Variants in RAP1GAP2 observed in about 807,000 individuals in gnomAD.
RAP1GAP2 encodes the protein rap1 GTPase-activating protein 2.
In RAP1GAP2, 27 loss-of-function variants were observed where a neutral mutation model predicts 95.0. The ratio of observed to expected loss-of-function variants is 0.28; its 90% CI spans 0.21 to 0.39. RAP1GAP2 has a LOEUF of 0.39. RAP1GAP2 is among the 10% of genes least tolerant of loss of function. RAP1GAP2 has a pLI of 1.00. For missense variants in RAP1GAP2, 771 were observed against 970.0 expected (o/e 0.79, Z 2.72); for synonymous variants, 373 against 380.9 (o/e 0.98, Z 0.24).
chr17:2,946,329 G>A (rs2043696695), intron 3 of RAP1GAP2, among the ~76,000 whole-genome samples: 1 of 152,178 alleles, frequency 6.6e-6, no homozygotes, highest in Admixed American at 6.5e-5. Context: ...TTTTGGAAGA[G>A]TGTGAGAAGG....
chr17:2,995,282 G>GCCCACTTTGCCTCACTCTCTTTTCTC, intron 12 of RAP1GAP2, 55 bp from the exon 13 acceptor site: 1 of 1,570,914 alleles, frequency 6.4e-7, no homozygotes, highest in Non-Finnish European at 8.7e-7. Context: ...GCATTAAGTT[G>GCCCACTTTGCCTCACTCTCTTTTCTC]CCCACTTTGC....
Position 2,967,009 on chromosome 17 carries a change from A to G in RAP1GAP2, c.596+1366A>G, listed in dbSNP as rs72822896. ...GTTTTTTGTTTTTGTTTTGTAATCTATGGGGGCAGTTAGGACTAAAAGTAG... is the reference window on the plus strand; with the variant it reads ...GTTTTTTGTTTTTGTTTTGTAATCTGTGGGGGCAGTTAGGACTAAAAGTAG... On this transcript the variant is annotated intron_variant, in intron 8 of 24. Transcript: ENST00000254695. Among the ~76,000 whole-genome samples, 434 of 152,210 alleles carry G rather than the reference A, an allele frequency of 2.9e-3. 2 individuals carry two copies. Among genetic ancestry groups the G allele is most frequent in the Non-Finnish European group, 4.9e-3 (334 of 68,004 alleles).
chr17:2,828,890 CTTTTGCTTTTCT>C (rs2070707196), intron 2 of RAP1GAP2, among the ~76,000 whole-genome samples: 1 of 151,782 alleles, frequency 6.6e-6, no homozygotes, highest in South Asian at 2.1e-4. Context: ...TTGCTCTCTC[CTTTTGCTTTTCT>C]TTTTGCTCCC....
chr17:2,946,100 G>A (rs2151442425), intron 3 of RAP1GAP2, among the ~76,000 whole-genome samples: 1 of 152,216 alleles, frequency 6.6e-6, no homozygotes, highest in East Asian at 1.9e-4. Flanking sequence ...CTATTACATT[G>A]ATTTTCTTGT....
upstream of RAP1GAP2, among the ~76,000 whole-genome samples, chr17:2,774,173 G>A (rs1462184597): frequency 6.6e-6 from 1 of 152,212 alleles, no homozygotes; most frequent in African/African-American, 2.4e-5. Flanking sequence ...TTCCCATGGA[G>A]TAGAAGCTTG....
chr17:2,772,763 C>G (rs1317993078), upstream of RAP1GAP2, among the ~76,000 whole-genome samples: 1 of 152,014 alleles, frequency 6.6e-6, no homozygotes, highest in Non-Finnish European at 1.5e-5. Flanking sequence ...TGGCAGTGCT[C>G]CCAACTACTA....
chr17:2,757,634 C>T (rs1597256968), intron 1 of RAP1GAP2, among the ~76,000 whole-genome samples: 1 of 151,840 alleles, frequency 6.6e-6, no homozygotes, highest in South Asian at 2.1e-4. Context: ...ATCTGGGCCA[C>T]TGATGACCAC....
At chr17:2,771,088 A>G (rs2068382557) in intron 2 of RAP1GAP2, among the ~76,000 whole-genome samples, 1 of 152,070 alleles carries the variant, frequency 6.6e-6, no homozygotes, top group South Asian at 2.1e-4. Context: ...ACATAAAACA[A>G]ACAAAAAACC....
intron 3 of RAP1GAP2, among the ~76,000 whole-genome samples, chr17:2,914,709 C>T (rs1342489578): frequency 6.6e-6 from 1 of 150,604 alleles, no homozygotes; most frequent in East Asian, 2.0e-4. Context: ...CCAGGATGGT[C>T]TCAATCTCCT....
At chr17:2,969,769 G>C (rs1462332756) in intron 8 of RAP1GAP2, among the ~76,000 whole-genome samples, 1 of 151,778 alleles carries the variant, frequency 6.6e-6, no homozygotes, top group East Asian at 1.9e-4. Context: ...CTCCCAAAGT[G>C]CTGGGATTAC....
At chr17:2,979,273 C>T (rs1032265483) in intron 8 of RAP1GAP2, among the ~76,000 whole-genome samples, 2 of 151,970 alleles carry the variant, frequency 1.3e-5, no homozygotes, top group African/African-American at 4.8e-5. Flanking sequence ...TTGAGTAAGC[C>T]CAGATTTTGA....
Position 2,819,577 on chromosome 17 carries a change from G to A in RAP1GAP2, c.80+19027G>A, listed in dbSNP as rs549426892. Among the ~76,000 whole-genome samples, 109 of 151,250 alleles carry A rather than the reference G, an allele frequency of 7.2e-4. 1 individual carries two copies. The highest frequency in any genetic ancestry group is 7.2e-4 in the Non-Finnish European group (49 of 67,810). ...CAGCCTCTGCCTCCCGGGTTCCAGC[G>A]ACTCTCCTGCCTCAGCCTCCTGGGT... On this transcript the variant is annotated intron_variant, in intron 2 of 24. Transcript: ENST00000254695.
intron 18 of RAP1GAP2, among the ~76,000 whole-genome samples, chr17:3,018,472 ACCT>A (rs1302779459): frequency 4.0e-5 from 6 of 151,370 alleles, no homozygotes; most frequent in Admixed American, 3.9e-4. Flanking sequence ...TGACAGCTAG[ACCT>A]CCTCCTCGGG....
intron 1 of RAP1GAP2, among the ~76,000 whole-genome samples, chr17:2,787,970 C>A (rs12600882): frequency 6.6e-6 from 1 of 152,140 alleles, no homozygotes; most frequent in Non-Finnish European, 1.5e-5. Flanking sequence ...TTCCATTGTA[C>A]GCTTATTCTG....
intron 1 of RAP1GAP2, among the ~76,000 whole-genome samples, chr17:2,764,110 TA>T (rs568735344): frequency 1.1e-4 from 16 of 147,984 alleles, no homozygotes; most frequent in East Asian, 2.0e-4. Flanking sequence ...TATCTTAAAT[TA>T]AAAAAAAAAG....
intron 2 of RAP1GAP2, among the ~76,000 whole-genome samples, chr17:2,881,231 A>G (rs1408413067): frequency 6.6e-6 from 1 of 151,802 alleles, no homozygotes; most frequent in South Asian, 2.1e-4. Context: ...ACTGCACTCC[A>G]GCCTGGGGGA....
intron 1 of RAP1GAP2, among the ~76,000 whole-genome samples, chr17:2,764,392 A>G (rs955513087): frequency 1.3e-5 from 2 of 150,742 alleles, no homozygotes; most frequent in African/African-American, 4.9e-5. Context: ...AGATTGCGCC[A>G]TTGCCTGGGC....
At chr17:2,758,601 G>A (rs2071191388) in intron 1 of RAP1GAP2, among the ~76,000 whole-genome samples, 1 of 152,188 alleles carries the variant, frequency 6.6e-6, no homozygotes, top group Admixed American at 6.5e-5. Context: ...GTGCACGTCT[G>A]AGGCCGAGAT....
intron 1 of RAP1GAP2, among the ~76,000 whole-genome samples, chr17:2,798,135 C>CT (rs2069147530): frequency 1.3e-5 from 2 of 152,174 alleles, no homozygotes; most frequent in Admixed American, 1.3e-4. Context: ...ATTCCAAGTT[C>CT]TTCTCTAGCA....
Sources: allele counts gnomAD v4.1 joint callset (sites outside exome capture counted in the v4.1 genomes callset), GRCh38; gene constraint gnomAD v4.1.1; transcripts MANE v1.5; gene names NCBI Gene and HGNC (gene_info 2026-07-23, HGNC 2026-07-21).